The following FMNL2 variants were observed in gnomAD, a reference collection of about 807,000 sequenced individuals.
FMNL2 encodes the protein formin-like protein 2.
A neutral mutation model predicts 130.2 loss-of-function variants in FMNL2; 51 were observed. That is an observed-to-expected ratio of 0.39 (90% CI 0.31 to 0.49). FMNL2 has a LOEUF of 0.49. FMNL2 is among the 20% of genes least tolerant of loss of function. The pLI is 0.85. For missense variants in FMNL2, 977 were observed against 1,316.2 expected, an observed-to-expected ratio of 0.74 and a Z score of 3.99; for synonymous variants, 465 against 467.1, an observed-to-expected ratio of 1.00 and a Z score of 0.06.
intron 1 of FMNL2, 95 bp downstream of exon 1, chr2:152,335,815 G>A (rs1400664366): frequency 1.2e-6 from 1 of 866,892 alleles, no homozygotes; most frequent in African/African-American, 1.8e-5. Context: ...CGTGCCGGGA[G>A]CGAGCCTCCA....
intron 1 of FMNL2, among the ~76,000 whole-genome samples, chr2:152,503,803 A>G (rs1242078581): frequency 6.6e-6 from 1 of 152,100 alleles, no homozygotes; most frequent in Non-Finnish European, 1.5e-5. Context: ...TGCAGTGGGG[A>G]AAAAAATTGT....
At chr2:152,541,807 G>C (rs1694324389) in intron 2 of FMNL2, among the ~76,000 whole-genome samples, 3 of 151,988 alleles carry the variant, frequency 2.0e-5, no homozygotes, top group Admixed American at 2.0e-4. Flanking sequence ...CCATTCATAG[G>C]AGCATGCAGT....
chr2:152,498,062 A>C (rs1691611633), intron 1 of FMNL2, among the ~76,000 whole-genome samples: 2 of 152,168 alleles, frequency 1.3e-5, no homozygotes, highest in African/African-American at 4.8e-5. Context: ...TATACTTCTT[A>C]AGGTCAGACC....
intron 4 of FMNL2, among the ~76,000 whole-genome samples, chr2:152,552,352 A>G (rs1490845336): frequency 6.6e-6 from 1 of 152,186 alleles, no homozygotes; most frequent in Non-Finnish European, 1.5e-5. Flanking sequence ...GAGTATTATC[A>G]TCTTTATCTA....
chr2:152,546,686 A>G (rs2105515448), intron 3 of FMNL2, among the ~76,000 whole-genome samples: 1 of 152,258 alleles, frequency 6.6e-6, no homozygotes, highest in Middle Eastern at 3.4e-3. Flanking sequence ...CCACCTGTGC[A>G]GGCAGCCCGA....
At chr2:152,575,008 C>T (rs1001248542) in intron 6 of FMNL2, 128 bp from the exon 7 acceptor site, 2 of 560,686 alleles carry the variant, frequency 3.6e-6, no homozygotes, top group East Asian at 5.7e-5. Context: ...TTACTGTTGC[C>T]ATTTGGTGGC....
chr2:152,607,359 C>G lies in FMNL2; in HGVS notation c.897C>G (p.Arg299=). 1 of 1,613,470 alleles carries G rather than the reference C, an allele frequency of 6.2e-7. No individual in the cohort carries two copies. The highest frequency in any genetic ancestry group is 8.5e-7 in the Non-Finnish European group (1 of 1,179,696). The change falls in exon 10 of 26, where the codon CGC becomes CGG. Residue 299 remains arginine, a synonymous_variant. Coordinates refer to ENST00000288670, the MANE Select transcript of FMNL2 (RefSeq NM_052905.4). ...NFKEVCGEKQ[R]FEKLMEHFRN... is the part of the protein sequence containing the mutation. ...TTCAGGTTTGTGGAGAAAAACAGCG[C>G]TTTGAGAAGTTGATGGAACATTTCA...
At chr2:152,600,705 A>G (rs543528718) in intron 9 of FMNL2, among the ~76,000 whole-genome samples, 4 of 150,650 alleles carry the variant, frequency 2.7e-5, no homozygotes, top group African/African-American at 7.3e-5. Context: ...AATGTCTTTC[A>G]CAGATGTTGG....
chr2:152,535,849 T>A (rs1209716732), intron 2 of FMNL2, among the ~76,000 whole-genome samples: 1 of 152,240 alleles, frequency 6.6e-6, no homozygotes, highest in Non-Finnish European at 1.5e-5. Context: ...CTTTTTCATT[T>A]TCTGTCAATT....
chr2:152,353,628 C>T lies in FMNL2; in HGVS notation c.117+17908C>T, dbSNP rs566616443. Among the ~76,000 whole-genome samples, 3 of 152,238 alleles carry T rather than the reference C, an allele frequency of 2.0e-5. 1 individual carries two copies. Among genetic ancestry groups the T allele is most frequent in the Admixed American group, 2.0e-4 (3 of 15,278 alleles). On this transcript the variant is annotated intron_variant, in intron 1 of 25. Transcript: ENST00000288670. ...TACTAATTGATTGACCTTTCTAAGC[C>T]TTGGTAGCCACATCCGTCATGAGCT...
In FMNL2 at chr2:152,626,033, A is replaced by AATT. The variant is rs540424152; in HGVS notation, c.1963-476_1963-474dup. ...ATTTTTTTATTTTATTTTATTTTTA[A>AATT]ATTATTATTATTATTATTTTTTGAG... On this transcript the variant is annotated intron_variant, in intron 16 of 25. Coordinates refer to ENST00000288670, the MANE Select transcript of FMNL2 (RefSeq NM_052905.4). 3.7e-3 allele frequency among the ~76,000 whole-genome samples: 566 copies of AATT among 151,390 alleles called. 3 individuals carry two copies. Among genetic ancestry groups the AATT allele is most frequent in the African/African-American group, 0.011 (450 of 41,326 alleles).
chr2:152,576,703 AG>A (rs1202296275), intron 7 of FMNL2, among the ~76,000 whole-genome samples: 4 of 152,212 alleles, frequency 2.6e-5, no homozygotes, highest in African/African-American at 9.7e-5. Context: ...CAGCTAGGGA[AG>A]GGTCACTGAG....
intron 6 of FMNL2, among the ~76,000 whole-genome samples, chr2:152,562,806 A>G (rs761437680): frequency 1.3e-5 from 2 of 152,186 alleles, no homozygotes; most frequent in Non-Finnish European, 2.9e-5. Context: ...GAATTTCCTG[A>G]TCACCTTGGT....
At chr2:152,629,930 G>A (rs1467395706) in intron 20 of FMNL2, 25 bp downstream of exon 20, 1 of 1,581,132 alleles carries the variant, frequency 6.3e-7, no homozygotes, top group Non-Finnish European at 8.6e-7. Context: ...AGAAATTTGA[G>A]AGCTGTTTGA....
rs141431791 is a variant in FMNL2, at chr2:152,632,357, A to G, written c.2680+220A>G. Among the ~76,000 whole-genome samples, 393 of 152,340 alleles carry G rather than the reference A, an allele frequency of 2.6e-3. 5 individuals are homozygous for G. Among genetic ancestry groups the G allele is most frequent in the Non-Finnish European group, 4.8e-3 (327 of 68,034 alleles). On this transcript the variant is annotated intron_variant, in intron 21 of 25. Coordinates refer to ENST00000288670, the MANE Select transcript of FMNL2 (RefSeq NM_052905.4). ...GATCTCTGTGTCCTTTCTGTAAGAC[A>G]CAGGCCACTGAGCGTCATGTCCCTT...
At chr2:152,409,440 CAGA>C (rs1473461500) in intron 1 of FMNL2, among the ~76,000 whole-genome samples, 1 of 152,064 alleles carries the variant, frequency 6.6e-6, no homozygotes, top group Non-Finnish European at 1.5e-5. Flanking sequence ...CTGCTTTTTT[CAGA>C]AGTTTAAAAA....
At chr2:152,516,214 C>T (rs1446684596) in intron 1 of FMNL2, among the ~76,000 whole-genome samples, 5 of 151,992 alleles carry the variant, frequency 3.3e-5, no homozygotes, top group Non-Finnish European at 7.4e-5. Context: ...TCTAGAGATC[C>T]GTTGCACAAT....
intron 1 of FMNL2, among the ~76,000 whole-genome samples, chr2:152,519,693 G>C (rs1160013782): frequency 6.6e-6 from 1 of 152,018 alleles, no homozygotes; most frequent in Non-Finnish European, 1.5e-5. Context: ...AATTCTCCCG[G>C]GTCTATTTCC....
chr2:152,640,870 A>G lies in FMNL2; in HGVS notation c.3125A>G (p.His1042Arg), dbSNP rs754045322. 6 of 1,613,888 alleles carry G rather than the reference A, an allele frequency of 3.7e-6. No homozygotes were observed. The South Asian group carries it at 6.6e-5, about 18-fold the overall frequency. Reference protein sequence around the residue: ...LRRRQVKDNRHVYEGKDGAIE... With the variant: ...LRRRQVKDNRRVYEGKDGAIE... Reference sequence around the variant, plus strand: ...AGACGACAAGTTAAAGATAACAGACATGTATATGAGGGAAAAGATGGTGCC... The same window carrying G: ...AGACGACAAGTTAAAGATAACAGACGTGTATATGAGGGAAAAGATGGTGCC... The change falls in exon 25 of 26, where the codon CAT becomes CGT. Residue 1042 changes from histidine (H) to arginine (R), a missense_variant. Physicochemically the swap from His to Arg is conservative, Grantham distance 29 (BLOSUM62 0). This residue lies in a region of FMNL2 where 168 missense variants were observed against 168.8 expected (regional missense o/e 1.00). Transcript: ENST00000288670.
Sources: gnomAD v4.1 joint callset for allele counts (sites outside exome capture counted in the v4.1 genomes callset) on GRCh38, gnomAD v4.1.1 for gene constraint, gnomAD v4.1.1 regional missense constraint, MANE v1.5 for transcripts, NCBI Gene and HGNC (gene_info 2026-07-23, HGNC 2026-07-21) for gene names.